Variants in CLVS2 observed in about 807,000 individuals in gnomAD.
CLVS2 encodes the protein clavesin-2.
In CLVS2, 19 loss-of-function variants were observed where a neutral mutation model predicts 29.0. The ratio of observed to expected loss-of-function variants is 0.66; its 90% CI spans 0.46 to 0.96. CLVS2 has a LOEUF of 0.96. CLVS2 is among the 40% of genes least tolerant of loss of function. CLVS2 has a pLI of 0.00. For synonymous variants in CLVS2, 161 were observed against 151.3 expected, an observed-to-expected ratio of 1.06 and a Z score of -0.47; for missense variants, 294 against 404.1, an observed-to-expected ratio of 0.73 and a Z score of 2.34.
intron 3 of CLVS2, among the ~76,000 whole-genome samples, chr6:123,017,817 G>A (rs771105580): frequency 1.7e-4 from 26 of 152,154 alleles, no homozygotes; most frequent in Middle Eastern, 6.8e-3. Flanking sequence ...TTTTTCTTGT[G>A]TTAAAATTGC....
intron 5 of CLVS2, among the ~76,000 whole-genome samples, chr6:123,062,432 A>T (rs1772792021): frequency 6.6e-6 from 1 of 151,720 alleles, no homozygotes; most frequent in Non-Finnish European, 1.5e-5. Flanking sequence ...TTATTATCTT[A>T]TATCCTCATC....
At chr6:123,027,252 T>C (rs1775016274) in intron 3 of CLVS2, among the ~76,000 whole-genome samples, 1 of 152,142 alleles carries the variant, frequency 6.6e-6, no homozygotes, top group Non-Finnish European at 1.5e-5. Flanking sequence ...AAATGGACAA[T>C]AGAAAAATTA....
Position 123,068,760 on chromosome 6 carries a change from AC to A in CLVS2, c.*5000del, listed in dbSNP as rs1772898717. 6.6e-6 allele frequency: 1 copy of A among 151,690 alleles called. No individual in the cohort carries two copies. The highest frequency in any genetic ancestry group is 1.9e-4 in the East Asian group (1 of 5,194). 9.4% of individuals were successfully genotyped at this position (151,690 alleles called of 1,614,324 possible). On this transcript the variant is annotated 3_prime_UTR_variant, in exon 6 of 6. Transcript: ENST00000275162. ...CTACAAACTACTTATTTAGTACTAC[AC>A]GGCATTTACTATTTGGCCTTTTGAA...
intron 3 of CLVS2, among the ~76,000 whole-genome samples, chr6:123,036,135 T>C (rs1466312652): frequency 1.3e-5 from 2 of 152,122 alleles, no homozygotes. Flanking sequence ...AGACAGTAGG[T>C]GCTAATCATT....
At chr6:123,019,899 A>G (rs551997371) in intron 3 of CLVS2, among the ~76,000 whole-genome samples, 1 of 152,130 alleles carries the variant, frequency 6.6e-6, no homozygotes, top group Admixed American at 6.6e-5. Context: ...TCCAAGTTCA[A>G]GTTCAAAGGC....
intron 3 of CLVS2, among the ~76,000 whole-genome samples, chr6:123,035,025 G>C (rs1775131775): frequency 6.6e-6 from 1 of 152,102 alleles, no homozygotes; most frequent in African/African-American, 2.4e-5. Flanking sequence ...AATACTTGTT[G>C]AATGAGAAGA....
chr6:123,061,820 A>G (rs1772783724), intron 5 of CLVS2, among the ~76,000 whole-genome samples: 1 of 152,110 alleles, frequency 6.6e-6, no homozygotes, highest in Non-Finnish European at 1.5e-5. Flanking sequence ...CAGTCTGAAG[A>G]GCTTTGGTAT....
At position 123,069,851 on chromosome 6, in the gene CLVS2, T is replaced by A. The variant is rs959918076; in HGVS notation, c.*6090T>A. The A allele has an allele frequency of 6.6e-5, 10 of 151,840 alleles. No individual in the cohort carries two copies. The highest frequency in any genetic ancestry group is 2.4e-4 in the African/African-American group (10 of 41,390). The allele number at this position is 151,840 out of a possible 1,614,324, so 9.4% of individuals were successfully genotyped here. On this transcript the variant is annotated 3_prime_UTR_variant, in exon 6 of 6. Coordinates refer to ENST00000275162, the MANE Select transcript of CLVS2 (RefSeq NM_001010852.4). Reference sequence around the variant, plus strand: ...CATCAAAAACACGTACCTCTGAGCATCACTTCTTTCTCTAAAAATAAAAAT... The same window carrying A: ...CATCAAAAACACGTACCTCTGAGCAACACTTCTTTCTCTAAAAATAAAAAT...
At chr6:123,039,594 A>G (rs1775199915) in intron 3 of CLVS2, among the ~76,000 whole-genome samples, 1 of 152,138 alleles carries the variant, frequency 6.6e-6, no homozygotes, top group Admixed American at 6.5e-5. Context: ...TCCTGATTGT[A>G]TCAGGCACAC....
intron 3 of CLVS2, among the ~76,000 whole-genome samples, chr6:123,022,132 T>C (rs1774933379): frequency 6.6e-6 from 1 of 152,058 alleles, no homozygotes; most frequent in African/African-American, 2.4e-5. Flanking sequence ...GTTTATTTTA[T>C]ATATAATGTT....
intron 5 of CLVS2, among the ~76,000 whole-genome samples, chr6:123,056,624 G>A (rs1180696948): frequency 6.6e-6 from 1 of 152,162 alleles, no homozygotes; most frequent in Non-Finnish European, 1.5e-5. Flanking sequence ...CAAATCTGGT[G>A]GTTTTCAAAT....
chr6:123,016,537 G>A (rs1774836959), intron 3 of CLVS2, among the ~76,000 whole-genome samples: 1 of 151,836 alleles, frequency 6.6e-6, no homozygotes, highest in Non-Finnish European at 1.5e-5. Flanking sequence ...GGGTCTCTGT[G>A]CTTTTGCCTT....
intron 3 of CLVS2, among the ~76,000 whole-genome samples, chr6:123,031,196 C>T (rs934324695): frequency 3.3e-5 from 5 of 152,096 alleles, no homozygotes; most frequent in Non-Finnish European, 7.3e-5. Context: ...TTCTCAAACT[C>T]CTGGGTTCAA....
At chr6:123,027,362 T>G (rs1775018192) in intron 3 of CLVS2, among the ~76,000 whole-genome samples, 1 of 152,286 alleles carries the variant, frequency 6.6e-6, no homozygotes, top group Admixed American at 6.5e-5. Flanking sequence ...GTTTAGAGAC[T>G]TTCGTAGCAA....
chr6:123,060,738 T>C (rs1480276030), intron 5 of CLVS2, among the ~76,000 whole-genome samples: 1 of 152,238 alleles, frequency 6.6e-6, no homozygotes, highest in Non-Finnish European at 1.5e-5. Context: ...ATACTCATTA[T>C]AACTTTATGA....
intron 3 of CLVS2, among the ~76,000 whole-genome samples, chr6:123,025,649 C>T (rs1289132243): frequency 1.3e-5 from 2 of 152,142 alleles, no homozygotes; most frequent in Non-Finnish European, 2.9e-5. Context: ...ATTGCCCTTG[C>T]TTAAAGGGAG....
chr6:123,004,176 T>C (rs1774630348), intron 2 of CLVS2, among the ~76,000 whole-genome samples: 1 of 152,226 alleles, frequency 6.6e-6, no homozygotes, highest in Non-Finnish European at 1.5e-5. Context: ...TTAGAGTACT[T>C]GGCCCTGATA....
At chr6:123,004,856 T>A (rs1774640904) in intron 2 of CLVS2, among the ~76,000 whole-genome samples, 1 of 151,864 alleles carries the variant, frequency 6.6e-6, no homozygotes, top group African/African-American at 2.4e-5. Context: ...GAGGTTTCAG[T>A]CAGCTGAGAT....
chr6:123,063,180 T>C (rs1234337995), intron 5 of CLVS2, among the ~76,000 whole-genome samples: 1 of 152,180 alleles, frequency 6.6e-6, no homozygotes, highest in Non-Finnish European at 1.5e-5. Context: ...GTTGATACAA[T>C]CATTAAAGTT....
Sources: allele counts gnomAD v4.1 joint callset (sites outside exome capture counted in the v4.1 genomes callset), GRCh38; gene constraint gnomAD v4.1.1; transcripts MANE v1.5; gene names NCBI Gene and HGNC (gene_info 2026-07-23, HGNC 2026-07-21).